FAM78A: variants seen among roughly 807,000 people sequenced by gnomAD.
FAM78A encodes family with sequence similarity 78 member A, also known as protein FAM78A.
FAM78A carries 12 observed loss-of-function variants against 22.6 expected under a neutral mutation model. The observed-to-expected ratio is 0.53, with a 90% confidence interval of 0.34 to 0.86. The LOEUF (loss-of-function observed/expected upper bound fraction) is 0.86. FAM78A is among the 40% of genes least tolerant of loss of function. The pLI is 0.02. For synonymous variants in FAM78A, 151 were observed against 155.8 expected, an observed-to-expected ratio of 0.97 and a Z score of 0.23; for missense variants, 322 against 396.1, an observed-to-expected ratio of 0.81 and a Z score of 1.59.
intron 1 of FAM78A, among the ~76,000 whole-genome samples, chr9:131,266,473 G>GTCCTCATCCTCATCCTCC (rs1554747724): frequency 7.0e-4 from 106 of 151,530 alleles, no homozygotes; most frequent in African/African-American, 2.4e-3. Flanking sequence ...CGTCATCCTC[G>GTCCTCATCCTCATCCTCC]TCCTCATCCT....
intron 1 of FAM78A, among the ~76,000 whole-genome samples, chr9:131,267,225 G>T (rs976174207): frequency 2.6e-5 from 4 of 152,190 alleles, no homozygotes; most frequent in African/African-American, 9.7e-5. Context: ...CTCGCAAGCT[G>T]TTGAGATGAG....
At chr9:131,266,611 C>A (rs1835348890) in intron 1 of FAM78A, among the ~76,000 whole-genome samples, 1 of 152,210 alleles carries the variant, frequency 6.6e-6, no homozygotes, top group Admixed American at 6.5e-5. Context: ...GGACCCTCCA[C>A]ATGGGCCAGG....
At position 131,271,001 on chromosome 9, in the gene FAM78A, C is replaced by T. The variant is rs1185232260; in HGVS notation, c.323+4856G>A. On this transcript the variant is annotated intron_variant, in intron 1 of 1. Coordinates refer to ENST00000372271, the MANE Select transcript of FAM78A (RefSeq NM_033387.4). ...CCCTGCCCTGTCCTTTCCCACCAGTCTTTTTTTTTTTTTTTTTTTTTTGAG... is the reference window on the plus strand; with the variant it reads ...CCCTGCCCTGTCCTTTCCCACCAGTTTTTTTTTTTTTTTTTTTTTTTTGAG... 1.9e-3 allele frequency among the ~76,000 whole-genome samples: 133 copies of T among 70,366 alleles called. 14 individuals are homozygous for T. Among genetic ancestry groups the T allele is most frequent in the African/African-American group, 3.2e-3 (78 of 24,280 alleles). The allele number at this position is 70,366 out of a possible 152,430, so 46.2% of individuals were successfully genotyped here.
chr9:131,269,588 C>T (rs1835391964), intron 1 of FAM78A, among the ~76,000 whole-genome samples: 1 of 151,952 alleles, frequency 6.6e-6, no homozygotes, highest in Admixed American at 6.6e-5. Flanking sequence ...GCAATTCTTG[C>T]ACCTCAGCCT....
In FAM78A at chr9:131,275,878, T is replaced by C. The variant is rs572383687; in HGVS notation, c.302A>G (p.Asn101Ser). ...IQACSHMEFY[N>S]QYGEQGMSSW... Reference sequence around the variant, plus strand: ...TCACATGCCCTGCTCGCCGTACTGGTTGTAGAACTCCATGTGGCTGCACGC... The same window carrying C: ...TCACATGCCCTGCTCGCCGTACTGGCTGTAGAACTCCATGTGGCTGCACGC... Residue 101 changes from asparagine to serine, a missense_variant, in exon 1 of 2, where the codon AAC (asparagine) becomes AGC (serine). Transcript: ENST00000372271. The surrounding 1 kb of genome is among the most constrained non-coding windows in gnomAD (Gnocchi z 4.6). 2 of 1,603,372 alleles carry C rather than the reference T, an allele frequency of 1.2e-6. No homozygotes were observed. The highest frequency in any genetic ancestry group is 2.7e-5 in the African/African-American group (2 of 74,882).
chr9:131,276,099 G>A lies in FAM78A; in HGVS notation c.81C>T (p.Ile27=). 1 of 1,613,780 alleles carries A rather than the reference G, an allele frequency of 6.2e-7. No homozygotes were observed. Among genetic ancestry groups the A allele is most frequent in the East Asian group, 2.2e-5 (1 of 44,874 alleles). ...CCCGGAAGACTCTGGCTTTGCCTCC[G>A]ATGCTCTGAATACAGCCCATGGCAT... ...LLYAMGCIQS[I]GGKARVFREG... is the part of the protein sequence containing the mutation. The change falls in exon 1 of 2, where the codon ATC becomes ATT. Residue 27 remains isoleucine (I), a synonymous_variant. Coordinates refer to ENST00000372271, the MANE Select transcript of FAM78A (RefSeq NM_033387.4). This position sits in a 1 kb window ranked among gnomAD's most constrained non-coding sequence, Gnocchi z 4.3.
intron 1 of FAM78A, among the ~76,000 whole-genome samples, chr9:131,271,282 C>T (rs1397968688): frequency 1.3e-5 from 2 of 152,174 alleles, no homozygotes; most frequent in Non-Finnish European, 2.9e-5. Context: ...GTATCTGAAA[C>T]CCAGGAGAAG....
Position 131,261,020 on chromosome 9 carries a change from C to G in FAM78A, c.654G>C (p.Glu218Asp), listed in dbSNP as rs1167105208. 9 of 1,614,020 alleles carry G rather than the reference C, an allele frequency of 5.6e-6. No homozygotes were observed. Among genetic ancestry groups the G allele is most frequent in the Non-Finnish European group, 7.6e-6 (9 of 1,179,984 alleles). ...GGCCCAGGGGCCGGTTGGGGTTCAC[C>G]TCGATGCTGAGCTGCATGCGCCAGT... Reference protein sequence around the residue: ...TLHWRMQLSIEVNPNRPLGQR... With the variant: ...TLHWRMQLSIDVNPNRPLGQR... The change falls in exon 2 of 2, where the codon GAG becomes GAC. Residue 218 changes from glutamate (E) to aspartate (D), a missense_variant. Coordinates refer to ENST00000372271, the MANE Select transcript of FAM78A (RefSeq NM_033387.4). This position sits in a 1 kb window ranked among gnomAD's most constrained non-coding sequence, Gnocchi z 7.1.
chr9:131,280,187 G>T (rs968012341), upstream of FAM78A, among the ~76,000 whole-genome samples: 1 of 152,218 alleles, frequency 6.6e-6, no homozygotes, highest in Non-Finnish European at 1.5e-5. Flanking sequence ...CAGGCAGAGG[G>T]TGTGAATGGG....
At position 131,274,201 on chromosome 9, in the gene FAM78A, C is replaced by T. The variant is rs1835453394; in HGVS notation, c.323+1656G>A. Among the ~76,000 whole-genome samples, 1 of 152,254 alleles carries T rather than the reference C, an allele frequency of 6.6e-6. No homozygotes were observed. Among genetic ancestry groups the T allele is most frequent in the Non-Finnish European group, 1.5e-5 (1 of 68,042 alleles). On this transcript the variant is annotated intron_variant, in intron 1 of 1. Coordinates refer to ENST00000372271, the MANE Select transcript of FAM78A (RefSeq NM_033387.4). The surrounding 1 kb of genome is among the most constrained non-coding windows in gnomAD (Gnocchi z 4.2). ...TGTGGCCTCCCCACCACACGTTGCA[C>T]CAACCACATTAGCATCCAGTCCCGT...
rs1321989576 is a variant in FAM78A at position 131,265,044 on chromosome 9, T to C, written c.324-3694A>G. ...CAGCCGAATTATTTTTATATGAACTTGTTTCTCTTCTCTATTAAATTTCTA... is the reference window on the plus strand; with the variant it reads ...CAGCCGAATTATTTTTATATGAACTCGTTTCTCTTCTCTATTAAATTTCTA... On this transcript the variant is annotated intron_variant, in intron 1 of 1. Coordinates refer to ENST00000372271, the MANE Select transcript of FAM78A (RefSeq NM_033387.4). The surrounding 1 kb of genome is among the most constrained non-coding windows in gnomAD (Gnocchi z 4.3). Among the ~76,000 whole-genome samples, 2 of 151,958 alleles carry C rather than the reference T, an allele frequency of 1.3e-5. No individual in the cohort carries two copies. The highest frequency in any genetic ancestry group is 1.3e-4 in the Admixed American group (2 of 15,260).
At chr9:131,273,093 T>C (rs577586096) in intron 1 of FAM78A, among the ~76,000 whole-genome samples, 1 of 152,298 alleles carries the variant, frequency 6.6e-6, no homozygotes, top group East Asian at 1.9e-4. Context: ...CTCTGTTCTT[T>C]GGTAACTCGG....
upstream of FAM78A, among the ~76,000 whole-genome samples, chr9:131,277,720 G>T (rs1835503054): frequency 6.6e-6 from 1 of 151,008 alleles, no homozygotes; most frequent in African/African-American, 2.4e-5. The surrounding 1 kb of genome is among the most constrained non-coding windows in gnomAD (Gnocchi z 8.4). Flanking sequence ...CTCCCGGCTT[G>T]GGGCTTCGGG....
In FAM78A at chr9:131,261,489, G is replaced by C. The variant is rs781367711; in HGVS notation, c.324-139C>G. ...CCACCCGGTCCCCTTTGACGTTCTGGGGGCAGGGGGTCAGACAGTAGCTCG... is the reference window on the plus strand; with the variant it reads ...CCACCCGGTCCCCTTTGACGTTCTGCGGGCAGGGGGTCAGACAGTAGCTCG... On this transcript the variant is annotated intron_variant, in intron 1 of 1. Transcript: ENST00000372271. The surrounding 1 kb of genome is among the most constrained non-coding windows in gnomAD (Gnocchi z 7.1). 4.2e-6 allele frequency: 3 copies of C among 705,966 alleles called. No homozygotes were observed. Among genetic ancestry groups the C allele is most frequent in the East Asian group, 2.8e-5 (1 of 36,064 alleles). The allele number at this position is 705,966 out of a possible 1,614,324, so 43.7% of individuals were successfully genotyped here. A position where few individuals can be genotyped will look rare whatever the true frequency, so the allele number is the denominator to read the frequency against.
At chr9:131,278,646 C>T (rs1835514112), upstream of FAM78A, among the ~76,000 whole-genome samples, 1 of 152,220 alleles carries the variant, frequency 6.6e-6, no homozygotes, top group Non-Finnish European at 1.5e-5. Context: ...AGGTCCTTCC[C>T]CCCGTCCCCC....
At chr9:131,264,690 C>T in intron 1 of FAM78A, 1 of 696,194 alleles carries the variant, frequency 1.4e-6, no homozygotes, top group South Asian at 1.6e-5. Context: ...CCTGATTTGA[C>T]CCAAAGCCCT....
chr9:131,277,597 C>A (rs563023974), upstream of FAM78A, among the ~76,000 whole-genome samples: 169 of 151,878 alleles, frequency 1.1e-3, 1 homozygote, highest in South Asian at 0.023. The surrounding 1 kb of genome is among the most constrained non-coding windows in gnomAD (Gnocchi z 8.4). Flanking sequence ...TCCGGACGCC[C>A]CTGACCCGGC....
chr9:131,280,405 T>G (rs1159201431), upstream of FAM78A, among the ~76,000 whole-genome samples: 1 of 152,180 alleles, frequency 6.6e-6, no homozygotes, highest in Non-Finnish European at 1.5e-5. Context: ...TCCACGCGCG[T>G]GTGAAGTGCC....
chr9:131,270,893 A>C (rs987273090), intron 1 of FAM78A, among the ~76,000 whole-genome samples: 1 of 151,766 alleles, frequency 6.6e-6, no homozygotes, highest in African/African-American at 2.4e-5. Context: ...GGACGCTGGG[A>C]GACGGCAGGT....
Sources: gnomAD v4.1 joint callset for allele counts (sites outside exome capture counted in the v4.1 genomes callset) on GRCh38, gnomAD v4.1.1 for gene constraint, Gnocchi (gnomAD v3.1) non-coding constraint, MANE v1.5 for transcripts, NCBI Gene and HGNC (gene_info 2026-07-23, HGNC 2026-07-21) for gene names.